The following WWOX variants were observed in gnomAD, a reference collection of about 807,000 sequenced individuals.
The protein encoded by WWOX is WW domain containing oxidoreductase.
Under a neutral mutation model 46.2 loss-of-function variants are expected in WWOX, and 69 were observed. The ratio of observed to expected loss-of-function variants is 1.49; its 90% CI spans 1.23 to 1.82. The LOEUF is 1.82. Ranked by LOEUF, WWOX falls within the 40% of genes most tolerant of loss-of-function variation. WWOX has a pLI of 0.00. For missense variants in WWOX, 919 were observed against 542.6 expected (o/e 1.69, Z -6.89); for synonymous variants, 359 against 202.6 (o/e 1.77, Z -6.56).
At chr16:78,539,258 A>G (rs1490079080) in intron 8 of WWOX, among the ~76,000 whole-genome samples, 1 of 152,244 alleles carries the variant, frequency 6.6e-6, no homozygotes, top group Non-Finnish European at 1.5e-5. Context: ...TGCACAGACA[A>G]AATCACAGGA....
chr16:78,251,561 C>A (rs1176781224), intron 5 of WWOX, among the ~76,000 whole-genome samples: 1 of 152,216 alleles, frequency 6.6e-6, no homozygotes, highest in African/African-American at 2.4e-5. Context: ...TACATCAAAT[C>A]AGCTTCTATT....
intron 8 of WWOX, among the ~76,000 whole-genome samples, chr16:78,545,054 G>C (rs1396058216): frequency 6.6e-6 from 1 of 152,108 alleles, no homozygotes; most frequent in Non-Finnish European, 1.5e-5. Flanking sequence ...ATTATTTCTA[G>C]AATAAGCAAA....
chr16:78,742,967 C>T (rs999785734), intron 8 of WWOX, among the ~76,000 whole-genome samples: 6 of 152,056 alleles, frequency 3.9e-5, no homozygotes, highest in South Asian at 2.1e-4. Flanking sequence ...AGAGGGGCCT[C>T]GTTAATGTCT....
chr16:78,370,002 C>T (rs1482040195), intron 5 of WWOX, among the ~76,000 whole-genome samples: 7 of 151,882 alleles, frequency 4.6e-5, no homozygotes, highest in Non-Finnish European at 1.0e-4. Context: ...TGTCCTGGTG[C>T]ATGTCTGTAA....
intron 8 of WWOX, among the ~76,000 whole-genome samples, chr16:79,089,006 G>A (rs528305811): frequency 6.6e-6 from 1 of 152,150 alleles, no homozygotes; most frequent in Non-Finnish European, 1.5e-5. Flanking sequence ...GAACATAGCT[G>A]TTGTCAGGAA....
rs984939836 is a variant in WWOX, at chr16:78,122,862, C to G, written c.409+7708C>G. On this transcript the variant is annotated intron_variant, in intron 4 of 8. Coordinates refer to ENST00000566780, the MANE Select transcript of WWOX (RefSeq NM_016373.4). ...TCAAGTGATCCGCCCACCTTGGCCT[C>G]CCAAAGTGCTAGGATTACAGACACT... 2.0e-5 allele frequency among the ~76,000 whole-genome samples: 3 copies of G among 152,088 alleles called. 1 individual carries two copies. The highest frequency in any genetic ancestry group is 6.3e-3 in the Middle Eastern group (2 of 316).
chr16:79,158,254 A>C (rs775375673), intron 8 of WWOX, among the ~76,000 whole-genome samples: 31 of 152,216 alleles, frequency 2.0e-4, no homozygotes, highest in Non-Finnish European at 4.3e-4. Context: ...AACATTTTCA[A>C]AATACCTGGA....
At chr16:79,133,860 C>T (rs372642826) in intron 8 of WWOX, among the ~76,000 whole-genome samples, 1 of 152,090 alleles carries the variant, frequency 6.6e-6, no homozygotes, top group Non-Finnish European at 1.5e-5. Context: ...AAAGGCTTGG[C>T]ACAAAAAATG....
chr16:78,617,401 C>T (rs2046052643), intron 8 of WWOX, among the ~76,000 whole-genome samples: 1 of 69,344 alleles, frequency 1.4e-5, no homozygotes, highest in East Asian at 4.0e-4. Context: ...AACCTTGTAT[C>T]CAAAAAAAAA....
At chr16:79,086,664 A>G (rs1255501828) in intron 8 of WWOX, among the ~76,000 whole-genome samples, 3 of 152,148 alleles carry the variant, frequency 2.0e-5, no homozygotes, top group Non-Finnish European at 2.9e-5. Flanking sequence ...GAAAATCACT[A>G]GAGTCCAGGA....
chr16:78,235,487 T>C (rs2037405187), intron 5 of WWOX, among the ~76,000 whole-genome samples: 1 of 152,166 alleles, frequency 6.6e-6, no homozygotes, highest in Non-Finnish European at 1.5e-5. Context: ...CCCCTAAGCA[T>C]GGAAAAGCCT....
chr16:78,558,533 T>C (rs2044359792), intron 8 of WWOX, among the ~76,000 whole-genome samples: 1 of 152,232 alleles, frequency 6.6e-6, no homozygotes, highest in Non-Finnish European at 1.5e-5. Flanking sequence ...TGCCCTGTGG[T>C]TTGCCATAGT....
At chr16:79,127,783 G>A (rs956420372) in intron 8 of WWOX, among the ~76,000 whole-genome samples, 1 of 152,188 alleles carries the variant, frequency 6.6e-6, no homozygotes, top group Non-Finnish European at 1.5e-5. Flanking sequence ...TTGTAGCTGG[G>A]TGGAGGGGTG....
chr16:78,559,292 G>A (rs905432071), intron 8 of WWOX, among the ~76,000 whole-genome samples: 1 of 152,196 alleles, frequency 6.6e-6, no homozygotes, highest in Non-Finnish European at 1.5e-5. Flanking sequence ...AGGGAAGAAC[G>A]ATGGATTTGT....
At chr16:78,285,831 A>G (rs80075585) in intron 5 of WWOX, among the ~76,000 whole-genome samples, 2,878 of 152,264 alleles carry the variant, frequency 0.019, 95 homozygotes, top group African/African-American at 0.065. Flanking sequence ...CCCACTGAGT[A>G]TTTAATATCT....
intron 4 of WWOX, among the ~76,000 whole-genome samples, chr16:78,155,873 C>G (rs892164161): frequency 6.6e-6 from 1 of 152,166 alleles, no homozygotes; most frequent in Non-Finnish European, 1.5e-5. Flanking sequence ...AGGACTTTAA[C>G]AGTAGGTAGC....
intron 8 of WWOX, among the ~76,000 whole-genome samples, chr16:78,683,589 A>G (rs1291768174): frequency 1.3e-5 from 2 of 151,858 alleles, no homozygotes; most frequent in Non-Finnish European, 2.9e-5. Flanking sequence ...AAAAATAGAG[A>G]CAAAGTCTCG....
At chr16:78,522,827 T>G (rs1249219595) in intron 8 of WWOX, among the ~76,000 whole-genome samples, 1 of 152,218 alleles carries the variant, frequency 6.6e-6, no homozygotes, top group African/African-American at 2.4e-5. Context: ...ATCACGGCAC[T>G]TTGGGAGGCC....
intron 5 of WWOX, among the ~76,000 whole-genome samples, chr16:78,203,087 A>C (rs761703293): frequency 2.6e-5 from 4 of 152,178 alleles, no homozygotes; most frequent in African/African-American, 7.2e-5. Flanking sequence ...CTATCCTTGA[A>C]CTGGTGTCTT....
Sources: gnomAD v4.1 joint callset for allele counts (sites outside exome capture counted in the v4.1 genomes callset) on GRCh38, gnomAD v4.1.1 for gene constraint, MANE v1.5 for transcripts, NCBI Gene and HGNC (gene_info 2026-07-23, HGNC 2026-07-21) for gene names.